Variants in BFSP2 observed in about 807,000 individuals in gnomAD.
The protein encoded by BFSP2 is phakinin.
In BFSP2, 38 loss-of-function variants were observed where a neutral mutation model predicts 44.9. The observed-to-expected ratio is 0.85, with a 90% CI of 0.65 to 1.11. The LOEUF (loss-of-function observed/expected upper bound fraction) is 1.11. BFSP2 is among the 50% of genes least tolerant of loss of function. The pLI is 0.00. For synonymous variants in BFSP2, 197 were observed against 209.9 expected, an observed-to-expected ratio of 0.94 and a Z score of 0.53; for missense variants, 525 against 533.0, an observed-to-expected ratio of 0.99 and a Z score of 0.15.
chr3:133,450,168 G>C (rs2073948524), intron 3 of BFSP2, 135 bp from the exon 4 acceptor site: 1 of 1,006,374 alleles, frequency 9.9e-7, no homozygotes, highest in Admixed American at 2.0e-5. Context: ...GACTTTCCCA[G>C]TCTCTGTGAA....
At chr3:133,440,260 C>A (rs2073832463) in intron 1 of BFSP2, among the ~76,000 whole-genome samples, 1 of 152,150 alleles carries the variant, frequency 6.6e-6, no homozygotes, top group Non-Finnish European at 1.5e-5. Flanking sequence ...CCCACCAGGT[C>A]CCTCCCACAA....
chr3:133,443,739 G>T (rs571000797), intron 1 of BFSP2, among the ~76,000 whole-genome samples: 51 of 152,262 alleles, frequency 3.3e-4, no homozygotes, highest in African/African-American at 9.6e-4. Context: ...AGGGAATCTT[G>T]CATCTTGCCA....
intron 4 of BFSP2, among the ~76,000 whole-genome samples, chr3:133,464,827 A>G (rs2074094322): frequency 6.6e-6 from 1 of 152,082 alleles, no homozygotes; most frequent in Admixed American, 6.6e-5. Flanking sequence ...GAGAAGCTGA[A>G]TGATGGCTTA....
intron 1 of BFSP2, chr3:133,410,697 G>T: frequency 3.9e-6 from 1 of 255,130 alleles, no homozygotes; most frequent in Non-Finnish European, 8.1e-6. Flanking sequence ...ACAGGAGTCC[G>T]TGGGCGGACA....
intron 5 of BFSP2, among the ~76,000 whole-genome samples, chr3:133,471,454 G>A (rs1211027076): frequency 2.6e-5 from 4 of 152,204 alleles, no homozygotes; most frequent in South Asian, 2.1e-4. Flanking sequence ...GGGTTCACCC[G>A]TTGAAGCATA....
intron 1 of BFSP2, among the ~76,000 whole-genome samples, chr3:133,432,758 G>A (rs375334943): frequency 1.0e-3 from 153 of 152,178 alleles, no homozygotes; most frequent in Non-Finnish European, 1.8e-3. Flanking sequence ...CCTGCCGATC[G>A]TGTCCGACTA....
chr3:133,444,654 G>T (rs1378009787), intron 1 of BFSP2, among the ~76,000 whole-genome samples: 1 of 152,070 alleles, frequency 6.6e-6, no homozygotes, highest in Non-Finnish European at 1.5e-5. Flanking sequence ...AAACGGAGCG[G>T]TCACCCCTAA....
chr3:133,472,015 C>G (rs1478010537), intron 5 of BFSP2, among the ~76,000 whole-genome samples: 1 of 152,108 alleles, frequency 6.6e-6, no homozygotes, highest in Non-Finnish European at 1.5e-5. Context: ...TTGTCTCTCT[C>G]AATCCCTATC....
chr3:133,416,923 C>CGT (rs2073539285), intron 1 of BFSP2, among the ~76,000 whole-genome samples: 3 of 135,790 alleles, frequency 2.2e-5, no homozygotes, highest in African/African-American at 8.4e-5. Context: ...TCTACTCACC[C>CGT]GTCCTCTGCC....
chr3:133,474,990 T>C lies in BFSP2; in HGVS notation c.*18T>C. The C allele has an allele frequency of 6.2e-7, 1 of 1,614,124 alleles. No individual in the cohort carries two copies. The highest frequency in any genetic ancestry group is 1.7e-5 in the Admixed American group (1 of 60,022). Reference sequence around the variant, plus strand: ...TCAGCTGATGGAGAAACTTCCTCTTTTTCATGAAGAAAACACCCTTCCTCA... The same window carrying C: ...TCAGCTGATGGAGAAACTTCCTCTTCTTCATGAAGAAAACACCCTTCCTCA... On this transcript the variant is annotated 3_prime_UTR_variant, in exon 7 of 7. Transcript: ENST00000302334.
At chr3:133,432,009 A>T (rs997907992) in intron 1 of BFSP2, among the ~76,000 whole-genome samples, 4 of 151,266 alleles carry the variant, frequency 2.6e-5, no homozygotes, top group African/African-American at 4.9e-5. Context: ...ACCTTAACCC[A>T]CAAGTATGGA....
In BFSP2 at chr3:133,466,990, T is replaced by C. The variant is rs2737717; in HGVS notation, c.1023+31T>C. 0.42 allele frequency: 679,118 copies of C among 1,609,902 alleles called. 146,622 individuals are homozygous for C. Among genetic ancestry groups the C allele is most frequent in the East Asian group, 0.59 (26,488 of 44,576 alleles). ...TGGGCCAAGGAAAGACCTGGTGTCC[T>C]TGTGCTAATTTTAACTCTCTACTGT... On this transcript the variant is annotated intron_variant, in intron 5 of 6. Coordinates refer to ENST00000302334, the MANE Select transcript of BFSP2 (RefSeq NM_003571.4).
intron 1 of BFSP2, chr3:133,410,692 A>C (rs2073443923): frequency 3.9e-6 from 1 of 256,220 alleles, no homozygotes. Flanking sequence ...GGCGGACAGG[A>C]GTCCGTGGGC....
At chr3:133,422,970 G>C (rs1347630611) in intron 1 of BFSP2, among the ~76,000 whole-genome samples, 2 of 152,170 alleles carry the variant, frequency 1.3e-5, no homozygotes, top group Non-Finnish European at 2.9e-5. Flanking sequence ...GAGCCTTCTT[G>C]CTCCTTCTTG....
In BFSP2 at chr3:133,444,103, T is replaced by C. The variant is rs138292290; in HGVS notation, c.490-3214T>C. ...GAAAAACAAAGGAAAAAAATATATA[T>C]GTATATATATACATATATATATATC... On this transcript the variant is annotated intron_variant, in intron 1 of 6. Transcript: ENST00000302334. Among the ~76,000 whole-genome samples the C allele has an allele frequency of 6.6e-3, 999 of 151,876 alleles. 2 individuals carry two copies. The highest frequency in any genetic ancestry group is 0.011 in the Non-Finnish European group (739 of 67,960).
intron 1 of BFSP2, among the ~76,000 whole-genome samples, chr3:133,436,152 C>T (rs2073779253): frequency 6.6e-6 from 1 of 151,832 alleles, no homozygotes; most frequent in Non-Finnish European, 1.5e-5. Flanking sequence ...TCACTTGAGG[C>T]CATTGCTACT....
intron 1 of BFSP2, among the ~76,000 whole-genome samples, chr3:133,425,780 AAAGGGAAGGGAAGGGAAGGGAAG>A (rs1437928351): frequency 1.9e-5 from 2 of 107,800 alleles, no homozygotes; most frequent in Admixed American, 8.8e-5. Flanking sequence ...AGGGAAAGGG[AAAGGGAAGGGAAGGGAAGGGAAG>A]AAGGGAAGGG....
intron 6 of BFSP2, among the ~76,000 whole-genome samples, chr3:133,473,438 C>A (rs1228059596): frequency 9.7e-3 from 709 of 72,876 alleles, no homozygotes; most frequent in Admixed American, 0.014. Flanking sequence ...GAGGCAGCAG[C>A]AAAAAAAAAA....
chr3:133,442,623 A>T (rs765360585), intron 1 of BFSP2, among the ~76,000 whole-genome samples: 5 of 152,202 alleles, frequency 3.3e-5, no homozygotes, highest in Non-Finnish European at 5.9e-5. Flanking sequence ...GGAGAGCATG[A>T]TGGGGACTTG....
Sources: gnomAD v4.1 joint callset for allele counts (sites outside exome capture counted in the v4.1 genomes callset) on GRCh38, gnomAD v4.1.1 for gene constraint, MANE v1.5 for transcripts, NCBI Gene and HGNC (gene_info 2026-07-23, HGNC 2026-07-21) for gene names.